STAG1: variants seen among roughly 807,000 people sequenced by gnomAD.
STAG1 encodes cohesin subunit SA-1.
In STAG1, 26 loss-of-function variants were observed where a neutral mutation model predicts 170.9. That is an observed-to-expected ratio of 0.15 (90% CI 0.11 to 0.21). The LOEUF is 0.21. STAG1 is among the 10% of genes least tolerant of loss of function. The pLI, the probability that STAG1 is intolerant of heterozygous loss-of-function variation, is 1.00. For synonymous variants in STAG1, 514 were observed against 497.7 expected (o/e 1.03, Z -0.44); for missense variants, 964 against 1,509.5 (o/e 0.64, Z 5.99).
intron 1 of STAG1, among the ~76,000 whole-genome samples, chr3:136,676,102 G>A (rs555798883): frequency 6.6e-6 from 1 of 152,200 alleles, no homozygotes; most frequent in African/African-American, 2.4e-5. Flanking sequence ...TCTAAACATA[G>A]AAATGGTACA....
intron 14 of STAG1, among the ~76,000 whole-genome samples, chr3:136,447,855 G>C (rs536598570): frequency 2.6e-5 from 4 of 151,938 alleles, no homozygotes; most frequent in Non-Finnish European, 5.9e-5. Context: ...CTGACCTCGT[G>C]ATCTGCCCGC....
intron 16 of STAG1, among the ~76,000 whole-genome samples, chr3:136,423,593 C>T (rs1451055571): frequency 6.6e-6 from 1 of 152,212 alleles, no homozygotes; most frequent in Non-Finnish European, 1.5e-5. Context: ...GCTGCTAATG[C>T]TCATCACTTT....
chr3:136,718,442 T>C (rs546723268), intron 1 of STAG1, among the ~76,000 whole-genome samples: 11 of 152,358 alleles, frequency 7.2e-5, no homozygotes, highest in African/African-American at 2.2e-4. Flanking sequence ...CAAGCAATCA[T>C]GCTCACCTGG....
At position 136,557,192 on chromosome 3, in the gene STAG1, C is replaced by T. The variant is rs112931209; in HGVS notation, c.394+11573G>A. Among the ~76,000 whole-genome samples the T allele has an allele frequency of 4.6e-5, 7 of 152,036 alleles. 1 individual carries two copies. The highest frequency in any genetic ancestry group is 1.4e-4 in the African/African-American group (6 of 41,466). ...GGTTGAGGCTGCAGTGAGTCAAGAT[C>T]GCACCACTGCACTCCAGCCTGGGTT... On this transcript the variant is annotated intron_variant, in intron 5 of 33. Transcript: ENST00000383202.
intron 23 of STAG1, among the ~76,000 whole-genome samples, chr3:136,370,096 C>G (rs1218268416): frequency 7.9e-6 from 1 of 126,818 alleles, no homozygotes; most frequent in Non-Finnish European, 1.7e-5. Context: ...CTATACTATA[C>G]TAATTTCTAT....
At chr3:136,357,358 G>A (rs1288428445) in intron 28 of STAG1, among the ~76,000 whole-genome samples, 2 of 151,840 alleles carry the variant, frequency 1.3e-5, no homozygotes, top group Non-Finnish European at 2.9e-5. Context: ...AAGCAAATAT[G>A]AAAAAAATCA....
At chr3:136,751,149 A>T (rs1316386174) in intron 1 of STAG1, among the ~76,000 whole-genome samples, 1 of 151,274 alleles carries the variant, frequency 6.6e-6, no homozygotes. Context: ...AACAGCAAAT[A>T]ATTTTTTTTT....
chr3:136,420,828 G>A (rs984803686), intron 20 of STAG1, among the ~76,000 whole-genome samples: 3 of 152,238 alleles, frequency 2.0e-5, no homozygotes, highest in African/African-American at 7.2e-5. Flanking sequence ...AGGCTAGAGT[G>A]CAGAGGCACG....
At chr3:136,602,935 C>T (rs1938741410) in intron 4 of STAG1, among the ~76,000 whole-genome samples, 1 of 152,054 alleles carries the variant, frequency 6.6e-6, no homozygotes, top group South Asian at 2.1e-4. Flanking sequence ...ATATTGTCAT[C>T]CATTGCTTTG....
At chr3:136,542,249 T>C in intron 5 of STAG1, 54 bp from the exon 6 acceptor site, 1 of 1,309,390 alleles carries the variant, frequency 7.6e-7, no homozygotes, top group East Asian at 2.3e-5. Flanking sequence ...CAGATCAATT[T>C]CCACTCTCTC....
intron 26 of STAG1, among the ~76,000 whole-genome samples, chr3:136,360,295 T>C (rs1443052217): frequency 6.6e-6 from 1 of 152,188 alleles, no homozygotes; most frequent in Non-Finnish European, 1.5e-5. Flanking sequence ...TTTCGCCTGC[T>C]CAATAGTTTT....
chr3:136,389,084 T>C (rs185289373), intron 22 of STAG1, among the ~76,000 whole-genome samples: 84 of 152,188 alleles, frequency 5.5e-4, no homozygotes, highest in African/African-American at 2.0e-3. Flanking sequence ...TAATATTGTT[T>C]TAGGCTTCTG....
intron 4 of STAG1, among the ~76,000 whole-genome samples, chr3:136,574,781 T>C (rs534249741): frequency 9.0e-4 from 137 of 152,248 alleles, no homozygotes; most frequent in African/African-American, 3.1e-3. Flanking sequence ...AACAAAAAAA[T>C]TAATGAGTGT....
intron 4 of STAG1, among the ~76,000 whole-genome samples, chr3:136,574,359 C>T (rs942235090): frequency 6.6e-6 from 1 of 151,960 alleles, no homozygotes; most frequent in Admixed American, 6.5e-5. Flanking sequence ...CACACACACA[C>T]ACACACGCAC....
chr3:136,657,195 T>G (rs879452961), intron 1 of STAG1, among the ~76,000 whole-genome samples: 1 of 128,292 alleles, frequency 7.8e-6, no homozygotes, highest in East Asian at 2.0e-4. Context: ...CTTTCTTTTT[T>G]TTTTTTTTTT....
chr3:136,447,195 G>A (rs2088806210), intron 14 of STAG1, among the ~76,000 whole-genome samples: 2 of 151,946 alleles, frequency 1.3e-5, no homozygotes, highest in Admixed American at 1.3e-4. Flanking sequence ...TTCATAAGAA[G>A]GGTGACTGGC....
intron 4 of STAG1, among the ~76,000 whole-genome samples, chr3:136,602,183 G>A (rs1357055117): frequency 4.6e-5 from 7 of 151,630 alleles, no homozygotes; most frequent in African/African-American, 9.7e-5. Context: ...GATCGAGACC[G>A]TCCTGGCCAA....
chr3:136,511,283 G>A (rs1934051842), intron 7 of STAG1, among the ~76,000 whole-genome samples: 1 of 152,182 alleles, frequency 6.6e-6, no homozygotes. Flanking sequence ...ATAGCAGTAT[G>A]AAAACAGACT....
intron 1 of STAG1, among the ~76,000 whole-genome samples, chr3:136,721,671 C>T (rs955226911): frequency 1.3e-5 from 2 of 151,968 alleles, no homozygotes; most frequent in Non-Finnish European, 2.9e-5. Context: ...GGGCGGATCA[C>T]GAGGTCAGGA....
Sources: allele counts gnomAD v4.1 joint callset (sites outside exome capture counted in the v4.1 genomes callset), GRCh38; gene constraint gnomAD v4.1.1; transcripts MANE v1.5; gene names NCBI Gene and HGNC (gene_info 2026-07-23, HGNC 2026-07-21).